The following DDX46 variants were observed in gnomAD, a reference collection of about 807,000 sequenced individuals.
DDX46 encodes the protein DEAD-box helicase 46.
Under a neutral mutation model 134.9 loss-of-function variants are expected in DDX46, and 30 were observed. That is an observed-to-expected ratio of 0.22 (90% CI 0.17 to 0.30). The LOEUF (loss-of-function observed/expected upper bound fraction) is 0.30, where lower values mean the gene tolerates loss of function less well. Among genes scored for constraint, DDX46 ranks in the 10% least tolerant of loss-of-function variants. The probability of loss-of-function intolerance (pLI) is 1.00; values close to 1 mark genes in which losing one functional copy is unlikely to be tolerated. For missense variants in DDX46, 622 were observed against 1,248.7 expected (o/e 0.50, Z 7.56); for synonymous variants, 415 against 404.1 (o/e 1.03, Z -0.32).
intron 14 of DDX46, among the ~76,000 whole-genome samples, chr5:134,795,315 C>T (rs371646813): frequency 2.0e-5 from 3 of 150,656 alleles, no homozygotes; most frequent in African/African-American, 7.4e-5. Flanking sequence ...TATCTTTGTC[C>T]ATGCTAAGTT....
chr5:134,774,012 T>C (rs1753856888), intron 5 of DDX46, 151 bp downstream of exon 5: 2 of 893,132 alleles, frequency 2.2e-6, no homozygotes. Context: ...TTCAATTCAG[T>C]GATAAATACA....
intron 18 of DDX46, among the ~76,000 whole-genome samples, chr5:134,813,284 C>A (rs1277386691): frequency 6.6e-6 from 1 of 152,192 alleles, no homozygotes; most frequent in African/African-American, 2.4e-5. Context: ...TGTAACAAAT[C>A]AAAACTTAGC....
rs1384346874 is a variant in DDX46 at position 134,830,765 on chromosome 5, C to T, written c.*2059C>T. The T allele has an allele frequency of 1.3e-5, 2 of 152,602 alleles. No homozygotes were observed. The highest frequency in any genetic ancestry group is 2.9e-5 in the Non-Finnish European group (2 of 68,034). 9.5% of individuals were successfully genotyped at this position (152,602 alleles called of 1,614,324 possible). A position where few individuals can be genotyped will look rare whatever the true frequency, so the allele number is the denominator to read the frequency against. On this transcript the variant is annotated 3_prime_UTR_variant, in exon 23 of 23. Transcript: ENST00000452510. ...TGTAAAATTTCAGAAATTGTGGGCT[C>T]ATTCCCTCCCTCTAGTTTATTTATT...
intron 21 of DDX46, among the ~76,000 whole-genome samples, chr5:134,821,440 G>C (rs1423783524): frequency 1.3e-5 from 2 of 151,888 alleles, no homozygotes; most frequent in Non-Finnish European, 2.9e-5. Context: ...GCCTCCCAAA[G>C]TGTTGGGATT....
chr5:134,759,276 T>G (rs1443692925), intron 1 of DDX46, among the ~76,000 whole-genome samples: 1 of 152,212 alleles, frequency 6.6e-6, no homozygotes, highest in East Asian at 1.9e-4. Context: ...GTGATCCCAG[T>G]TGGATTGCTT....
At chr5:134,780,306 G>C (rs1432573949) in intron 6 of DDX46, among the ~76,000 whole-genome samples, 1 of 150,366 alleles carries the variant, frequency 6.7e-6, no homozygotes, top group African/African-American at 2.4e-5. Flanking sequence ...ACTCACGCCT[G>C]TCATCTCAGC....
intron 3 of DDX46, 89 bp from the exon 4 acceptor site, chr5:134,770,814 C>CT: frequency 9.9e-7 from 1 of 1,008,932 alleles, no homozygotes; most frequent in Non-Finnish European, 1.4e-6. Context: ...GAGACACTGT[C>CT]TCAAAAAAAA....
rs1580763005 is a variant in DDX46, at chr5:134,758,863, G to A, written c.-76G>A. The A allele has an allele frequency of 1.2e-6, 2 of 1,609,620 alleles. No individual in the cohort carries two copies. The highest frequency in any genetic ancestry group is 1.7e-5 in the Admixed American group (1 of 59,986). On this transcript the variant is annotated 5_prime_UTR_variant, in exon 1 of 23. Transcript: ENST00000452510. The stretch of plus-strand genomic sequence containing the variant: ...CGCTGGTCTTTGCCGGGCGTTGAGG[G>A]CAGCTCAGCCTCCTTGTTTGTCCGG...
At chr5:134,799,195 C>G (rs1447284379) in intron 15 of DDX46, among the ~76,000 whole-genome samples, 1 of 152,040 alleles carries the variant, frequency 6.6e-6, no homozygotes, top group Non-Finnish European at 1.5e-5. Context: ...AGCTACTATT[C>G]TTTGTCTACC....
At position 134,758,792 on chromosome 5, in the gene DDX46, C is replaced by A; in HGVS notation, c.-147C>A. On this transcript the variant is annotated 5_prime_UTR_variant, in exon 1 of 23. Coordinates refer to ENST00000452510, the MANE Select transcript of DDX46 (RefSeq NM_001300860.2). ...CGCCAGCACGTCCTGTTTTCGTTGG[C>A]CGCGCTGGGATGGCCGCCACAGCTG... 2 of 1,295,582 alleles carry A rather than the reference C, an allele frequency of 1.5e-6. No homozygotes were observed. Among genetic ancestry groups the A allele is most frequent in the Non-Finnish European group, 2.2e-6 (2 of 921,602 alleles). The allele number at this position is 1,295,582 out of a possible 1,614,324, so 80.3% of individuals were successfully genotyped here.
At chr5:134,828,258 G>C (rs1225885481) in intron 22 of DDX46, among the ~76,000 whole-genome samples, 1 of 151,870 alleles carries the variant, frequency 6.6e-6, no homozygotes. Context: ...TTGTTGGGGG[G>C]TGGGGGTGGT....
rs1169264125 is a variant in DDX46, at chr5:134,810,282, A to G, written c.2149-939A>G. Reference sequence around the variant, plus strand: ...ATCTCAAAAAAAAAAAGGAAAAACAAAAAACAAAATCAAAAGGTATGACCA... The same window carrying G: ...ATCTCAAAAAAAAAAAGGAAAAACAGAAAACAAAATCAAAAGGTATGACCA... On this transcript the variant is annotated intron_variant, in intron 16 of 22. Transcript: ENST00000452510. Among the ~76,000 whole-genome samples the G allele has an allele frequency of 2.0e-5, 3 of 151,920 alleles. No individual in the cohort carries two copies. The East Asian group carries it at 5.8e-4, about 29-fold the overall frequency.
chr5:134,798,584 T>C (rs1481027547), intron 15 of DDX46, among the ~76,000 whole-genome samples: 2 of 152,230 alleles, frequency 1.3e-5, no homozygotes, highest in African/African-American at 2.4e-5. Flanking sequence ...TGTCTATTTC[T>C]AGAACGTTTT....
At chr5:134,777,372 T>C (rs1301053555) in intron 5 of DDX46, among the ~76,000 whole-genome samples, 1 of 152,264 alleles carries the variant, frequency 6.6e-6, no homozygotes, top group Non-Finnish European at 1.5e-5. Flanking sequence ...TTGTCATTGT[T>C]AATATTCAGA....
At chr5:134,800,710 T>C (rs1336101141) in intron 15 of DDX46, among the ~76,000 whole-genome samples, 1 of 152,144 alleles carries the variant, frequency 6.6e-6, no homozygotes, top group Non-Finnish European at 1.5e-5. Context: ...AGTTTTGCTC[T>C]TGTTGCCCAG....
chr5:134,811,631 TA>T, intron 17 of DDX46, 64 bp from the exon 18 acceptor site: 1 of 1,487,692 alleles, frequency 6.7e-7, no homozygotes, highest in African/African-American at 1.4e-5. Flanking sequence ...AATATTTAAT[TA>T]GTATGAATTC....
At chr5:134,810,572 A>T (rs1755113647) in intron 16 of DDX46, among the ~76,000 whole-genome samples, 1 of 151,054 alleles carries the variant, frequency 6.6e-6, no homozygotes, top group Non-Finnish European at 1.5e-5. Flanking sequence ...CGACCTTCTG[A>T]CCTCAAATGA....
intron 15 of DDX46, among the ~76,000 whole-genome samples, chr5:134,797,544 C>G (rs1216721699): frequency 6.6e-6 from 1 of 152,150 alleles, no homozygotes; most frequent in African/African-American, 2.4e-5. Context: ...AAGAAGCTGC[C>G]CAGCCAGTTA....
chr5:134,810,211 C>T (rs980860944), intron 16 of DDX46, among the ~76,000 whole-genome samples: 6 of 150,148 alleles, frequency 4.0e-5, no homozygotes, highest in African/African-American at 1.5e-4. Context: ...TTGTACCCAG[C>T]AAGGTCAGAT....
Sources: allele counts gnomAD v4.1 joint callset (sites outside exome capture counted in the v4.1 genomes callset), GRCh38; gene constraint gnomAD v4.1.1; transcripts MANE v1.5; gene names NCBI Gene and HGNC (gene_info 2026-07-23, HGNC 2026-07-21).